DCBLD1: variants seen among roughly 807,000 people sequenced by gnomAD.
DCBLD1 encodes the protein discoidin, CUB and LCCL domain-containing protein 1.
Under a neutral mutation model 71.5 loss-of-function variants are expected in DCBLD1, and 57 were observed. The observed-to-expected ratio is 0.80, with a 90% CI of 0.64 to 0.99. The LOEUF is 0.99. Ranked by LOEUF, DCBLD1 falls within the 50% of genes least tolerant of loss-of-function variation. The pLI is 0.00. For missense variants in DCBLD1, 891 were observed against 923.5 expected, an observed-to-expected ratio of 0.96 and a Z score of 0.46; for synonymous variants, 380 against 363.8, an observed-to-expected ratio of 1.04 and a Z score of -0.51.
chr6:117,563,268 T>C, intron 14 of DCBLD1: 2 of 1,613,304 alleles, frequency 1.2e-6, no homozygotes, highest in Non-Finnish European at 1.7e-6. Context: ...TAAGATTTTT[T>C]ATGATACAGA....
At chr6:117,547,755 T>G in intron 14 of DCBLD1, 152 bp from the exon 15 acceptor site, 1 of 1,521,194 alleles carries the variant, frequency 6.6e-7, no homozygotes, top group Non-Finnish European at 8.9e-7. Context: ...TCTGTGGCTT[T>G]CACATCAGGG....
chr6:117,549,527 T>C lies in DCBLD1; in HGVS notation c.*1088T>C. ...TTGAGTTTCTTTTGTGAGTTAACTA[T>C]GGGAGATTTAACCTCTTTTGCCAAA... On this transcript the variant is annotated 3_prime_UTR_variant, in exon 15 of 15. Transcript: ENST00000338728. 1 of 985,408 alleles carries C rather than the reference T, an allele frequency of 1.0e-6. No homozygotes were observed. Among genetic ancestry groups the C allele is most frequent in the Non-Finnish European group, 1.2e-6 (1 of 829,930 alleles). 61.0% of individuals were successfully genotyped at this position (985,408 alleles called of 1,614,324 possible).
Position 117,540,928 on chromosome 6 carries a change from A to T in DCBLD1, c.1260A>T (p.Ser420=). ...IGCQITQGND[S]LVWRKTSQST... is the part of the protein sequence containing the mutation. ...TCCCTCCTCTCTCAGGTAATGATTC[A>T]TTGGTGTGGCGCAAGACAAGTCAAA... is the stretch of plus-strand genomic sequence containing the variant. Residue 420 remains serine (S), a synonymous_variant, in exon 11 of 15, where the codon TCA becomes TCT. Transcript: ENST00000338728. 1.9e-6 allele frequency: 3 copies of T among 1,614,092 alleles called. No homozygotes were observed. The highest frequency in any genetic ancestry group is 1.7e-6 in the Non-Finnish European group (2 of 1,180,020).
rs112024711 is a variant in DCBLD1, at chr6:117,493,573, C to T, written c.113-10194C>T. On this transcript the variant is annotated intron_variant, in intron 1 of 14. Coordinates refer to ENST00000338728, the MANE Select transcript of DCBLD1 (RefSeq NM_001366458.2). ...TAATTTTGAGACAAAAAGAGTATGA[C>T]TACAAAAAACTAAATATCAGTTATG... 5.7e-3 allele frequency among the ~76,000 whole-genome samples: 874 copies of T among 152,268 alleles called. 12 individuals are homozygous for T. The highest frequency in any genetic ancestry group is 0.02 in the African/African-American group (834 of 41,562).
At chr6:117,522,049 T>C (rs1288657411) in intron 4 of DCBLD1, among the ~76,000 whole-genome samples, 1 of 152,210 alleles carries the variant, frequency 6.6e-6, no homozygotes, top group Non-Finnish European at 1.5e-5. Flanking sequence ...TAAAATTCTT[T>C]CATTTGGGAG....
chr6:117,569,348 A>G (rs1459824502), intron 14 of DCBLD1, among the ~76,000 whole-genome samples: 1 of 152,216 alleles, frequency 6.6e-6, no homozygotes, highest in Non-Finnish European at 1.5e-5. Context: ...ACTGAGGGAC[A>G]GAGGACTTAA....
chr6:117,508,557 G>A (rs1012524696), intron 2 of DCBLD1, among the ~76,000 whole-genome samples: 87 of 152,122 alleles, frequency 5.7e-4, no homozygotes, highest in African/African-American at 2.0e-3. Context: ...CAGCTCTTTA[G>A]TGACCATGTA....
chr6:117,502,923 T>A (rs1777710713), intron 1 of DCBLD1, among the ~76,000 whole-genome samples: 1 of 152,202 alleles, frequency 6.6e-6, no homozygotes, highest in South Asian at 2.1e-4. Context: ...CAGAAAAGTC[T>A]TCAGATAATT....
chr6:117,502,277 A>G (rs1777688794), intron 1 of DCBLD1, among the ~76,000 whole-genome samples: 1 of 152,132 alleles, frequency 6.6e-6, no homozygotes, highest in Admixed American at 6.5e-5. Flanking sequence ...TTGGCTGTCT[A>G]AAGTTCCCCC....
intron 14 of DCBLD1, among the ~76,000 whole-genome samples, chr6:117,555,740 A>G (rs1232498986): frequency 6.6e-6 from 1 of 152,204 alleles, no homozygotes; most frequent in East Asian, 1.9e-4. Flanking sequence ...ATTTTTAGAA[A>G]TCAAAACTGT....
At chr6:117,483,444 G>T (rs1186575635) in intron 1 of DCBLD1, among the ~76,000 whole-genome samples, 2 of 152,216 alleles carry the variant, frequency 1.3e-5, no homozygotes, top group East Asian at 1.9e-4. Context: ...GGCCTTGGAC[G>T]CTGGCGAGCA....
At chr6:117,520,110 C>A (rs748689652) in intron 3 of DCBLD1, among the ~76,000 whole-genome samples, 160 bp downstream of exon 3, 1 of 152,164 alleles carries the variant, frequency 6.6e-6, no homozygotes, top group Non-Finnish European at 1.5e-5. Flanking sequence ...TAGGTCTGAA[C>A]TGAATCATAT....
intron 1 of DCBLD1, among the ~76,000 whole-genome samples, chr6:117,489,196 G>A (rs56259987): frequency 6.6e-5 from 10 of 152,246 alleles, no homozygotes; most frequent in East Asian, 1.9e-4. Flanking sequence ...GGAAGCTTGC[G>A]GTCATGACAG....
rs541252960 is a variant in DCBLD1, at chr6:117,488,129, T to C, written c.112+5236T>C. ...GCATTGGAGGATTCCCTAAGATCCA[T>C]GAAAGCAGAGATGAATCTCAGCCTC... is the stretch of plus-strand genomic sequence containing the variant. On this transcript the variant is annotated intron_variant, in intron 1 of 14. Coordinates refer to ENST00000338728, the MANE Select transcript of DCBLD1 (RefSeq NM_001366458.2). Among the ~76,000 whole-genome samples, 11 of 152,278 alleles carry C rather than the reference T, an allele frequency of 7.2e-5. No individual in the cohort carries two copies. The East Asian group carries it at 1.9e-3, about 27-fold the overall frequency.
intron 2 of DCBLD1, among the ~76,000 whole-genome samples, chr6:117,510,664 C>G (rs1763413314): frequency 6.6e-6 from 1 of 152,098 alleles, no homozygotes; most frequent in Non-Finnish European, 1.5e-5. Context: ...TTATAAGTAG[C>G]TTGATTTTGG....
chr6:117,519,136 T>G (rs1778303104), intron 2 of DCBLD1, among the ~76,000 whole-genome samples: 1 of 152,240 alleles, frequency 6.6e-6, no homozygotes, highest in Non-Finnish European at 1.5e-5. Context: ...TTTCGTTATT[T>G]TAAGCTCCAA....
intron 1 of DCBLD1, among the ~76,000 whole-genome samples, chr6:117,494,362 G>A (rs1046683246): frequency 6.6e-6 from 1 of 152,180 alleles, no homozygotes; most frequent in Non-Finnish European, 1.5e-5. Context: ...AATATTGGCA[G>A]TATGCATATT....
chr6:117,545,200 G>A (rs1315546402), intron 13 of DCBLD1, among the ~76,000 whole-genome samples: 3 of 152,016 alleles, frequency 2.0e-5, no homozygotes, highest in South Asian at 4.2e-4. Context: ...GCAGATTGTC[G>A]GAGACCATAC....
intron 1 of DCBLD1, among the ~76,000 whole-genome samples, chr6:117,490,711 T>TTGATATGATTAAA: frequency 6.6e-6 from 1 of 151,180 alleles, no homozygotes; most frequent in African/African-American, 2.5e-5. Context: ...TTAGTTTTTA[T>TTGATATGATTAAA]AGTCAGCATC....
Sources: allele counts gnomAD v4.1 joint callset (sites outside exome capture counted in the v4.1 genomes callset), GRCh38; gene constraint gnomAD v4.1.1; transcripts MANE v1.5; gene names NCBI Gene and HGNC (gene_info 2026-07-23, HGNC 2026-07-21).